The following MGAT4C variants were observed in gnomAD, a reference collection of about 807,000 sequenced individuals.
MGAT4C encodes alpha-1,3-mannosyl-glycoprotein 4-beta-N-acetylglucosaminyltransferase C.
In MGAT4C, 19 loss-of-function variants were observed where a neutral mutation model predicts 40.1. That is an observed-to-expected ratio of 0.47 (90% CI 0.33 to 0.70). The LOEUF is 0.70. MGAT4C is among the 30% of genes least tolerant of loss of function. The pLI, the probability that MGAT4C is intolerant of heterozygous loss-of-function variation, is 0.02. For missense variants in MGAT4C, 491 were observed against 563.2 expected (o/e 0.87, Z 1.30); for synonymous variants, 181 against 187.1 (o/e 0.97, Z 0.27).
chr12:86,477,740 C>T (rs1957863445), intron 2 of MGAT4C, among the ~76,000 whole-genome samples: 4 of 152,008 alleles, frequency 2.6e-5, no homozygotes, highest in Admixed American at 6.6e-5. Flanking sequence ...TGCTATCCTT[C>T]CCCTCTCCCC....
intron 2 of MGAT4C, among the ~76,000 whole-genome samples, chr12:86,632,759 G>C (rs2136508444): frequency 6.6e-6 from 1 of 151,636 alleles, no homozygotes; most frequent in East Asian, 2.0e-4. Flanking sequence ...GCCTGTTGTG[G>C]GGTGGGGGGA....
rs1164990207 is a variant in MGAT4C at position 86,684,753 on chromosome 12, G to A, written c.-229+42456C>T. On this transcript the variant is annotated intron_variant, in intron 2 of 7. Coordinates refer to the MGAT4C transcript ENST00000548651. ...CTGGCATGAGATGGTATCTCATTGT[G>A]GTTCTGATTTTCATTTCTCTAATGA... Among the ~76,000 whole-genome samples, 3 of 151,294 alleles carry A rather than the reference G, an allele frequency of 2.0e-5. 1 individual carries two copies. In the East Asian group the frequency reaches 5.8e-4, roughly 29 times the overall value.
chr12:86,177,660 AAAGTATTACTCATAAAAT>A (rs1887608878), intron 1 of MGAT4C, among the ~76,000 whole-genome samples: 1 of 152,148 alleles, frequency 6.6e-6, no homozygotes, highest in African/African-American at 2.4e-5. Flanking sequence ...GAGAAAAAGT[AAAGTATTACTCATAAAAT>A]AATTACTATG....
chr12:86,562,516 C>T (rs1031195518), intron 2 of MGAT4C, among the ~76,000 whole-genome samples: 36 of 152,158 alleles, frequency 2.4e-4, no homozygotes, highest in African/African-American at 6.3e-4. Context: ...CTACCACCAG[C>T]CTTTACACCT....
intron 1 of MGAT4C, among the ~76,000 whole-genome samples, chr12:86,064,422 G>A (rs1291284370): frequency 1.3e-5 from 2 of 151,972 alleles, no homozygotes; most frequent in African/African-American, 4.8e-5. Context: ...AAGCAAAACT[G>A]CACAACTACA....
intron 3 of MGAT4C, among the ~76,000 whole-genome samples, chr12:86,406,152 T>C (rs987249660): frequency 6.7e-6 from 1 of 149,820 alleles, no homozygotes; most frequent in African/African-American, 2.4e-5. Context: ...AAATGTAAAA[T>C]ATAAAGCATA....
intron 2 of MGAT4C, among the ~76,000 whole-genome samples, chr12:86,649,726 T>TA (rs1181577423): frequency 2.6e-5 from 4 of 151,824 alleles, no homozygotes; most frequent in African/African-American, 9.7e-5. Flanking sequence ...TAAAGGCCGT[T>TA]ATTTTATGTA....
At chr12:86,815,190 T>G (rs1952575415) in intron 1 of MGAT4C, among the ~76,000 whole-genome samples, 1 of 151,866 alleles carries the variant, frequency 6.6e-6, no homozygotes. Context: ...GCTAAAGACA[T>G]AAATAGACAA....
At chr12:86,270,396 T>G (rs2136107156) in intron 4 of MGAT4C, among the ~76,000 whole-genome samples, 1 of 152,228 alleles carries the variant, frequency 6.6e-6, no homozygotes, top group South Asian at 2.1e-4. Context: ...TGGAACTCTG[T>G]ACCATTAAAA....
chr12:86,240,034 A>AT (rs1293638635), intron 1 of MGAT4C, among the ~76,000 whole-genome samples: 5 of 34,580 alleles, frequency 1.4e-4, no homozygotes, highest in East Asian at 5.2e-3. Context: ...AATAAAAAAA[A>AT]AAAATAAAAA....
chr12:86,371,719 T>A (rs1374047288), intron 3 of MGAT4C, among the ~76,000 whole-genome samples: 1 of 152,078 alleles, frequency 6.6e-6, no homozygotes, highest in Non-Finnish European at 1.5e-5. Context: ...ACTGTGAACA[T>A]CTGAAGTTGG....
chr12:86,604,545 TA>T (rs1214317481), intron 2 of MGAT4C, among the ~76,000 whole-genome samples: 1 of 152,132 alleles, frequency 6.6e-6, no homozygotes, highest in Non-Finnish European at 1.5e-5. Flanking sequence ...CACATAAAGT[TA>T]TTCCCCTCTA....
rs549763039 is a variant in MGAT4C at position 86,596,962 on chromosome 12, A to G, written c.-229+130247T>C. On this transcript the variant is annotated intron_variant, in intron 2 of 7. Coordinates refer to the MGAT4C transcript ENST00000548651. ...ATACAAACTTCTTCTTTTAGGGTCT[A>G]GACACAACTGAGCATCATTAATGTT... is the stretch of plus-strand genomic sequence containing the variant. Among the ~76,000 whole-genome samples the G allele has an allele frequency of 2.9e-4, 44 of 152,346 alleles. No individual in the cohort carries two copies. The South Asian group carries it at 9.1e-3, about 32-fold the overall frequency.
intron 2 of MGAT4C, among the ~76,000 whole-genome samples, chr12:86,635,060 T>C (rs1963177001): frequency 6.6e-6 from 1 of 152,118 alleles, no homozygotes; most frequent in African/African-American, 2.4e-5. Context: ...TTTTCTAGTA[T>C]CTTTGTGCCT....
intron 1 of MGAT4C, among the ~76,000 whole-genome samples, chr12:86,774,295 CTT>C (rs377527703): frequency 5.4e-4 from 17 of 31,648 alleles, no homozygotes; most frequent in African/African-American, 1.4e-3. Flanking sequence ...TTCTTTCTTT[CTT>C]TCTTTCTTTC....
At chr12:86,119,510 T>A (rs1008140979) in intron 1 of MGAT4C, among the ~76,000 whole-genome samples, 3 of 151,804 alleles carry the variant, frequency 2.0e-5, no homozygotes, top group Non-Finnish European at 4.4e-5. Context: ...TGGGTTTAAG[T>A]GATTCTTCTG....
chr12:86,608,150 A>C (rs1359325616), intron 2 of MGAT4C, among the ~76,000 whole-genome samples: 3 of 152,184 alleles, frequency 2.0e-5, no homozygotes, highest in Admixed American at 2.0e-4. Flanking sequence ...GAAGTTAGTA[A>C]TCTGATAAGA....
chr12:86,243,961 GA>G (rs1951908027), intron 1 of MGAT4C, among the ~76,000 whole-genome samples: 1 of 152,186 alleles, frequency 6.6e-6, no homozygotes, highest in Non-Finnish European at 1.5e-5. Flanking sequence ...TCCAGGAGGA[GA>G]AAAGACTGGC....
intron 2 of MGAT4C, among the ~76,000 whole-genome samples, chr12:86,454,199 T>C (rs1452857325): frequency 1.3e-5 from 2 of 152,108 alleles, no homozygotes; most frequent in African/African-American, 4.8e-5. Context: ...ATCAGACAAT[T>C]ATTGATATGT....
Sources: allele counts gnomAD v4.1 joint callset (sites outside exome capture counted in the v4.1 genomes callset), GRCh38; gene constraint gnomAD v4.1.1; transcripts MANE v1.5; gene names NCBI Gene and HGNC (gene_info 2026-07-23, HGNC 2026-07-21).